C2orf92: variants seen among roughly 807,000 people sequenced by gnomAD.
C2orf92 encodes the protein uncharacterized protein C2orf92.
In C2orf92 at chr2:97,696,436, C is replaced by CA. The variant is rs541150028; in HGVS notation, c.404-2580dup. Among the ~76,000 whole-genome samples, 1,035 of 145,460 alleles carry CA rather than the reference C, an allele frequency of 7.1e-3. 43 individuals carry two copies. In the East Asian group the frequency reaches 0.1, roughly 14 times the overall value. On this transcript the variant is annotated intron_variant, in intron 5 of 7. Coordinates refer to ENST00000627399, the MANE Select transcript of C2orf92 (RefSeq NM_001351368.2). ...CTCCTCCTTGGCAGTAGTGACCATT[C>CA]AAAAAAAAAAGAAAAAAAGGCTGGG...
intron 3 of C2orf92, among the ~76,000 whole-genome samples, chr2:97,681,790 G>A (rs1385094007): frequency 2.6e-5 from 4 of 151,920 alleles, no homozygotes; most frequent in African/African-American, 9.7e-5. Context: ...CCCAGGAGGC[G>A]GAGCTTGCAG....
rs773402841 is a variant in C2orf92, at chr2:97,675,927, TG to T, written c.232+1del. 7.5e-6 allele frequency: 3 copies of T among 398,472 alleles called. No homozygotes were observed. The highest frequency in any genetic ancestry group is 1.3e-5 in the Non-Finnish European group (3 of 226,076). The allele number at this position is 398,472 out of a possible 1,614,324, so 24.7% of individuals were successfully genotyped here. On this transcript the variant is annotated frameshift_variant and splice_region_variant, in exon 3 of 8. Transcript: ENST00000627399. LOFTEE classifies it high-confidence loss of function. ...GAGAGGAACATTTGGCTAAAATATT[TG>T]GTAAGTAGCCTCCTGCTATGAAGCC... ...EREEHLAKIF[D>X]EILLQVFPKF...
At position 97,669,779 on chromosome 2, in the gene C2orf92, T is replaced by G; in HGVS notation, c.-10T>G. On this transcript the variant is annotated 5_prime_UTR_variant, in exon 1 of 8. An upstream open reading frame in the 5' UTR loses its in-frame stop. Coordinates refer to ENST00000627399, the MANE Select transcript of C2orf92 (RefSeq NM_001351368.2). ...GGCTTCTCCATGATGGTTTATGGAC[T>G]AAGGCAAAGATGAGCAGAGCCATGG... 1 of 398,706 alleles carries G rather than the reference T, an allele frequency of 2.5e-6. No homozygotes were observed. The highest frequency in any genetic ancestry group is 4.4e-6 in the Non-Finnish European group (1 of 226,106). The allele number at this position is 398,706 out of a possible 1,614,324, so 24.7% of individuals were successfully genotyped here.
chr2:97,698,610 G>T (rs1457034748), intron 5 of C2orf92, among the ~76,000 whole-genome samples: 1 of 152,084 alleles, frequency 6.6e-6, no homozygotes, highest in African/African-American at 2.4e-5. Flanking sequence ...AGTAGGCTGG[G>T]GCTTAGAGAG....
At chr2:97,691,842 C>T (rs1176064538) in intron 5 of C2orf92, among the ~76,000 whole-genome samples, 1 of 152,134 alleles carries the variant, frequency 6.6e-6, no homozygotes, top group Non-Finnish European at 1.5e-5. Context: ...GAGCTGAGAT[C>T]GCGCCACTGC....
At chr2:97,686,980 T>G (rs1675984302) in intron 3 of C2orf92, among the ~76,000 whole-genome samples, 1 of 151,962 alleles carries the variant, frequency 6.6e-6, no homozygotes, top group African/African-American at 2.4e-5. Context: ...ACTGCACCAC[T>G]GCACTCCAGC....
At chr2:97,690,124 G>A (rs1205175620) in intron 4 of C2orf92, 132 bp from the exon 5 acceptor site, 1 of 353,880 alleles carries the variant, frequency 2.8e-6, no homozygotes, top group East Asian at 4.0e-5. Context: ...GCGAGACTCT[G>A]TCTCAAAAGA....
chr2:97,700,686 C>T (rs1311460739), intron 6 of C2orf92, among the ~76,000 whole-genome samples: 1 of 152,030 alleles, frequency 6.6e-6, no homozygotes, highest in Non-Finnish European at 1.5e-5. Flanking sequence ...AGTTCCTTCC[C>T]AAGAGGACTT....
chr2:97,669,699 T>C (rs1259983515), upstream of C2orf92: 1 of 397,718 alleles, frequency 2.5e-6, no homozygotes, highest in African/African-American at 2.1e-5. Flanking sequence ...GACCGTTAGG[T>C]TCCGTGGTAC....
At position 97,678,966 on chromosome 2, in the gene C2orf92, G is replaced by A. The variant is rs1005060002; in HGVS notation, c.232+3038G>A. On this transcript the variant is annotated intron_variant, in intron 3 of 7. Transcript: ENST00000627399. ...GCATTCCAGCCTGGGTGATGGGAGT[G>A]AGATCCTTTCTTGGAAAAAAAAAAA... Among the ~76,000 whole-genome samples, 5 of 150,478 alleles carry A rather than the reference G, an allele frequency of 3.3e-5. No homozygotes were observed. The East Asian group carries it at 7.8e-4, about 23-fold the overall frequency.
intron 3 of C2orf92, among the ~76,000 whole-genome samples, chr2:97,681,805 C>T (rs752484093): frequency 1.1e-4 from 17 of 151,920 alleles, no homozygotes; most frequent in Non-Finnish European, 2.4e-4. Flanking sequence ...TTGCAGTGAG[C>T]CGAGATGGTG....
chr2:97,681,002 G>A (rs1675753091), intron 3 of C2orf92, among the ~76,000 whole-genome samples: 3 of 150,738 alleles, frequency 2.0e-5, no homozygotes, highest in African/African-American at 7.3e-5. Context: ...AGCTACTTGG[G>A]AGGTTGAGGC....
chr2:97,683,846 A>G (rs1675863307), intron 3 of C2orf92, among the ~76,000 whole-genome samples: 1 of 152,038 alleles, frequency 6.6e-6, no homozygotes, highest in African/African-American at 2.4e-5. Context: ...GCATATGTCT[A>G]TGGTCAGTTT....
At chr2:97,699,565 A>G (rs949781095) in intron 6 of C2orf92, among the ~76,000 whole-genome samples, 2 of 152,212 alleles carry the variant, frequency 1.3e-5, no homozygotes, top group Admixed American at 6.5e-5. Context: ...AGATTGCACC[A>G]TTGCACTCCA....
chr2:97,665,382 G>A (rs772992746), upstream of C2orf92, among the ~76,000 whole-genome samples: 5 of 152,214 alleles, frequency 3.3e-5, no homozygotes, highest in Admixed American at 1.3e-4. Context: ...TGCTGGAAAA[G>A]GGGTCCCGAT....
intron 3 of C2orf92, among the ~76,000 whole-genome samples, chr2:97,676,610 G>C (rs1470150557): frequency 3.3e-5 from 5 of 151,208 alleles, no homozygotes; most frequent in African/African-American, 1.2e-4. Context: ...CCCCCTCCCC[G>C]ACACACGACA....
intron 1 of C2orf92, 71 bp from the exon 2 acceptor site, chr2:97,674,385 A>G (rs1435593761): frequency 2.5e-6 from 1 of 397,836 alleles, no homozygotes; most frequent in Non-Finnish European, 4.4e-6. Flanking sequence ...CATTCATTGT[A>G]TTCATAGTCT....
At chr2:97,678,396 T>C (rs1220188169) in intron 3 of C2orf92, among the ~76,000 whole-genome samples, 1 of 151,896 alleles carries the variant, frequency 6.6e-6, no homozygotes, top group Non-Finnish European at 1.5e-5. Flanking sequence ...AAGACAATGT[T>C]TGAATGAAGA....
At chr2:97,670,609 G>A (rs1433947814) in intron 1 of C2orf92, 1 of 152,040 alleles carries the variant, frequency 6.6e-6, no homozygotes, top group Non-Finnish European at 1.5e-5. Context: ...CTGTCACCCA[G>A]AGCTGGAGTG....
Sources: allele counts gnomAD v4.1 joint callset (sites outside exome capture counted in the v4.1 genomes callset), GRCh38; gene constraint gnomAD v4.1.1; transcripts MANE v1.5; gene names NCBI Gene and HGNC (gene_info 2026-07-23, HGNC 2026-07-21).